ACACA: variants seen among roughly 807,000 people sequenced by gnomAD.
The protein encoded by ACACA is acetyl-CoA carboxylase 1.
A neutral mutation model predicts 296.1 loss-of-function variants in ACACA; 103 were observed. That is an observed-to-expected ratio of 0.35 (90% confidence interval 0.30 to 0.41). ACACA has a LOEUF of 0.41. Among genes scored for constraint, ACACA ranks in the 10% least tolerant of loss-of-function variants. The probability of loss-of-function intolerance (pLI) is 1.00; values close to 1 mark genes in which losing one functional copy is unlikely to be tolerated. For synonymous variants in ACACA, 953 were observed against 1,038.6 expected (o/e 0.92, Z 1.58); for missense variants, 1,554 against 2,989.7 (o/e 0.52, Z 11.20).
Position 37,267,016 on chromosome 17 carries a change from C to A in ACACA, c.1120-3122G>T, listed in dbSNP as rs542311369. Among the ~76,000 whole-genome samples, 3 of 152,236 alleles carry A rather than the reference C, an allele frequency of 2.0e-5. No individual in the cohort carries two copies. The East Asian group carries it at 5.8e-4, about 29-fold the overall frequency. Reference sequence around the variant, plus strand: ...CCAATGTTCAGCCTACACCTATGAGCCAGTTTTAAAGTCAATGTCTTACGT... The same window carrying A: ...CCAATGTTCAGCCTACACCTATGAGACAGTTTTAAAGTCAATGTCTTACGT... On this transcript the variant is annotated intron_variant, in intron 10 of 55. Coordinates refer to ENST00000616317, the MANE Select transcript of ACACA (RefSeq NM_198834.3).
chr17:37,087,547 T>C, intron 55 of ACACA, 108 bp from the exon 56 acceptor site: 1 of 1,336,760 alleles, frequency 7.5e-7, no homozygotes, highest in Admixed American at 1.8e-5. Context: ...ACTGCAGACA[T>C]TTTAGTCACG....
chr17:37,244,964 T>A, intron 20 of ACACA, 116 bp downstream of exon 20: 1 of 1,488,620 alleles, frequency 6.7e-7, no homozygotes, highest in Non-Finnish European at 9.4e-7. Context: ...ATAAGATTAA[T>A]AGGGGACAAA....
chr17:37,127,058 A>G (rs1213998893), intron 47 of ACACA, among the ~76,000 whole-genome samples: 3 of 152,220 alleles, frequency 2.0e-5, no homozygotes, highest in African/African-American at 7.2e-5. Flanking sequence ...ATGAATTACT[A>G]GGGAGTCAAT....
rs549977690 is a variant in ACACA, at chr17:37,203,050, C to A, written c.4057-2567G>T. Among the ~76,000 whole-genome samples the A allele has an allele frequency of 3.9e-5, 6 of 151,910 alleles. No homozygotes were observed. The South Asian group carries it at 1.2e-3, about 32-fold the overall frequency. ...CAATCTCGGCTCACAGCAACCTCCG[C>A]CCCCAGGTTCAAGCGATTCTCTTGC... On this transcript the variant is annotated intron_variant, in intron 33 of 55. Transcript: ENST00000616317.
chr17:37,182,211 C>T (rs892808170), intron 39 of ACACA, among the ~76,000 whole-genome samples: 1 of 152,138 alleles, frequency 6.6e-6, no homozygotes, highest in African/African-American at 2.4e-5. Context: ...ACTAGCTATG[C>T]AAAGGCTTCA....
At chr17:37,320,353 A>G (rs1406847451) in intron 3 of ACACA, among the ~76,000 whole-genome samples, 1 of 151,874 alleles carries the variant, frequency 6.6e-6, no homozygotes, top group East Asian at 1.9e-4. Context: ...TCTACTAAAA[A>G]AACAAAAATT....
intron 1 of ACACA, among the ~76,000 whole-genome samples, chr17:37,378,546 C>T (rs2050105790): frequency 6.6e-6 from 1 of 151,944 alleles, no homozygotes; most frequent in Non-Finnish European, 1.5e-5. Context: ...AACCCCATCT[C>T]TACTAAAGAT....
intron 5 of ACACA, among the ~76,000 whole-genome samples, chr17:37,279,090 G>A (rs1033971013): frequency 2.6e-5 from 4 of 152,006 alleles, no homozygotes; most frequent in Non-Finnish European, 5.9e-5. Context: ...CAACATCAGT[G>A]ATCATTAGAG....
At chr17:37,312,762 C>T (rs1442305645) in intron 3 of ACACA, among the ~76,000 whole-genome samples, 1 of 152,076 alleles carries the variant, frequency 6.6e-6, no homozygotes, top group African/African-American at 2.4e-5. Flanking sequence ...CCCGGTGGCT[C>T]ACACCTGTAA....
intron 42 of ACACA, among the ~76,000 whole-genome samples, chr17:37,158,636 AC>A (rs2076346041): frequency 6.6e-6 from 1 of 152,170 alleles, no homozygotes; most frequent in South Asian, 2.1e-4. Context: ...TCTCAAAAAA[AC>A]AAAACAAAAC....
At chr17:37,260,251 T>C (rs1332686164) in intron 11 of ACACA, among the ~76,000 whole-genome samples, 3 of 7,938 alleles carry the variant, frequency 3.8e-4, no homozygotes, top group Non-Finnish European at 5.7e-4. Context: ...TCCCAAGTCA[T>C]ATATATATAT....
chr17:37,315,545 C>T (rs2047049407), intron 3 of ACACA, among the ~76,000 whole-genome samples: 1 of 152,212 alleles, frequency 6.6e-6, no homozygotes, highest in African/African-American at 2.4e-5. Flanking sequence ...ATCCCAGCCA[C>T]CTATACTCCT....
At chr17:37,295,109 T>C (rs2083265397) in intron 3 of ACACA, among the ~76,000 whole-genome samples, 1 of 151,978 alleles carries the variant, frequency 6.6e-6, no homozygotes, top group South Asian at 2.1e-4. Flanking sequence ...GAAAACAAGG[T>C]TTAAGTCACT....
In ACACA at chr17:37,207,718, T is replaced by C. The variant is rs1344491590; in HGVS notation, c.3790A>G (p.Thr1264Ala). The C allele has an allele frequency of 6.2e-7, 1 of 1,613,954 alleles. No homozygotes were observed. Among genetic ancestry groups the C allele is most frequent in the East Asian group, 2.2e-5 (1 of 44,880 alleles). ...CCGCCCATCCGCTGACAAGGTGGAGTGAATGAGTTGTCCAACAGTACATCG... is the reference window on the plus strand; with the variant it reads ...CCGCCCATCCGCTGACAAGGTGGAGCGAATGAGTTGTCCAACAGTACATCG... ...VSDVLLDNSF[T>A]PPCQRMGGMV... The change falls in exon 31 of 56, where the codon ACT (threonine) becomes GCT (alanine). Residue 1264 changes from threonine to alanine, a missense_variant. Thr to Ala is a moderately conservative substitution (Grantham distance 58). Transcript: ENST00000616317.
chr17:37,224,985 T>C lies in ACACA; in HGVS notation c.3474+7A>G, dbSNP rs1191615685. ...AAAGGGTTATATATATATATATATA[T>C]ATATACCTGCAGGTTCTCAATGCAA... On this transcript the variant is annotated splice_region_variant and intron_variant, in intron 27 of 55. Transcript: ENST00000616317. 1 of 1,334,606 alleles carries C rather than the reference T, an allele frequency of 7.5e-7. No individual in the cohort carries two copies. The highest frequency in any genetic ancestry group is 1.2e-5 in the South Asian group (1 of 84,940). The allele number at this position is 1,334,606 out of a possible 1,614,324, so 82.7% of individuals were successfully genotyped here.
intron 37 of ACACA, among the ~76,000 whole-genome samples, chr17:37,191,816 C>A: frequency 6.6e-6 from 1 of 151,352 alleles, no homozygotes; most frequent in South Asian, 2.1e-4. Context: ...GCTTCTGCTA[C>A]CAAGAAAAAT....
intron 1 of ACACA, among the ~76,000 whole-genome samples, chr17:37,352,016 C>T (rs2048926812): frequency 6.6e-6 from 1 of 151,184 alleles, no homozygotes. Flanking sequence ...CTGCAAGCTC[C>T]GCCTCCCGGG....
rs575541613 is a variant in ACACA at position 37,164,899 on chromosome 17, A to G, written c.5080-2849T>C. 2.0e-5 allele frequency among the ~76,000 whole-genome samples: 3 copies of G among 152,284 alleles called. No individual in the cohort carries two copies. The South Asian group carries it at 6.2e-4, about 32-fold the overall frequency. On this transcript the variant is annotated intron_variant, in intron 41 of 55. Coordinates refer to ENST00000616317, the MANE Select transcript of ACACA (RefSeq NM_198834.3). ...TCAGCATTTGTGTGCTAATGTAAAC[A>G]TTGTGACCATGTGGCACTGGGCAGG... is the stretch of plus-strand genomic sequence containing the variant.
chr17:37,290,211 C>T (rs1724012730), intron 3 of ACACA, among the ~76,000 whole-genome samples: 1 of 152,120 alleles, frequency 6.6e-6, no homozygotes. Flanking sequence ...CCACGCTCGA[C>T]TAATTTTTTC....
Sources: gnomAD v4.1 joint callset for allele counts (sites outside exome capture counted in the v4.1 genomes callset) on GRCh38, gnomAD v4.1.1 for gene constraint, MANE v1.5 for transcripts, NCBI Gene and HGNC (gene_info 2026-07-23, HGNC 2026-07-21) for gene names.